Variants in KIAA1328 observed in about 807,000 individuals in gnomAD.
The protein encoded by KIAA1328 is KIAA1328.
A neutral mutation model predicts 68.1 loss-of-function variants in KIAA1328; 52 were observed. The observed-to-expected ratio is 0.76, with a 90% CI of 0.61 to 0.96. The LOEUF (loss-of-function observed/expected upper bound fraction) is 0.96. Ranked by LOEUF, KIAA1328 falls within the 40% of genes least tolerant of loss-of-function variation. The probability of loss-of-function intolerance (pLI) is 0.00; values close to 1 mark genes in which losing one functional copy is unlikely to be tolerated. For synonymous variants in KIAA1328, 232 were observed against 239.4 expected (o/e 0.97, Z 0.28); for missense variants, 641 against 677.6 (o/e 0.95, Z 0.60).
intron 5 of KIAA1328, among the ~76,000 whole-genome samples, chr18:36,958,748 G>C (rs1465105887): frequency 6.6e-6 from 1 of 151,952 alleles, no homozygotes; most frequent in Non-Finnish European, 1.5e-5. Context: ...TCTTTACCAT[G>C]TCATTTCCAA....
At chr18:36,907,329 G>C (rs1409621386) in intron 5 of KIAA1328, among the ~76,000 whole-genome samples, 1 of 151,948 alleles carries the variant, frequency 6.6e-6, no homozygotes, top group African/African-American at 2.4e-5. Flanking sequence ...ACAATGTTGA[G>C]TAAAAGCTGT....
chr18:37,003,918 G>A (rs192611672), intron 6 of KIAA1328, among the ~76,000 whole-genome samples: 6 of 152,092 alleles, frequency 3.9e-5, no homozygotes, highest in Non-Finnish European at 8.8e-5. Flanking sequence ...TTATTTCTGC[G>A]TTCTCCATTC....
intron 8 of KIAA1328, among the ~76,000 whole-genome samples, chr18:37,166,006 A>G (rs73421148): frequency 0.031 from 4,618 of 148,382 alleles, 247 homozygotes; most frequent in African/African-American, 0.11. Context: ...TAGTTTAATG[A>G]TTACACTGAT....
chr18:36,853,937 C>T (rs570028715), intron 4 of KIAA1328, among the ~76,000 whole-genome samples: 5 of 152,106 alleles, frequency 3.3e-5, no homozygotes, highest in African/African-American at 4.8e-5. Context: ...GGATTATAGG[C>T]GTGAGCCACT....
chr18:36,889,228 G>A (rs1189313337), intron 5 of KIAA1328, among the ~76,000 whole-genome samples: 1 of 152,210 alleles, frequency 6.6e-6, no homozygotes, highest in Non-Finnish European at 1.5e-5. Context: ...AAGCCAAGCA[G>A]TCTGATGAAC....
At chr18:37,034,595 C>CT (rs1395380750) in intron 6 of KIAA1328, among the ~76,000 whole-genome samples, 1 of 152,088 alleles carries the variant, frequency 6.6e-6, no homozygotes, top group Non-Finnish European at 1.5e-5. Flanking sequence ...TACAAATAAC[C>CT]TTGAGTTCAC....
chr18:37,147,368 G>A (rs1457107036), intron 7 of KIAA1328, among the ~76,000 whole-genome samples: 1 of 151,972 alleles, frequency 6.6e-6, no homozygotes, highest in Admixed American at 6.6e-5. Flanking sequence ...CTTGACTGTG[G>A]TTAACATTTT....
chr18:37,041,559 G>C (rs1043955931), intron 6 of KIAA1328, among the ~76,000 whole-genome samples: 1 of 151,292 alleles, frequency 6.6e-6, no homozygotes, highest in Admixed American at 6.6e-5. Context: ...TTGGATTTAT[G>C]TCCTCTATTT....
At chr18:36,831,401 T>C (rs2046487817) in intron 1 of KIAA1328, among the ~76,000 whole-genome samples, 1 of 152,194 alleles carries the variant, frequency 6.6e-6, no homozygotes, top group South Asian at 2.1e-4. Flanking sequence ...ACCTCATCTG[T>C]AAACAATGAG....
At chr18:37,122,053 GATGAC>G (rs529620795) in intron 7 of KIAA1328, among the ~76,000 whole-genome samples, 1 of 152,068 alleles carries the variant, frequency 6.6e-6, no homozygotes, top group Non-Finnish European at 1.5e-5. Context: ...AGTGCATTTA[GATGAC>G]ATGACATGAA....
chr18:37,089,823 C>T (rs2057218642), intron 7 of KIAA1328, among the ~76,000 whole-genome samples: 1 of 152,124 alleles, frequency 6.6e-6, no homozygotes, highest in Non-Finnish European at 1.5e-5. Flanking sequence ...CAAAACTGTT[C>T]ATTTTTAAGG....
chr18:37,121,212 G>A (rs323330), intron 7 of KIAA1328, among the ~76,000 whole-genome samples: 61,418 of 151,938 alleles, frequency 0.4, 14,265 homozygotes, highest in African/African-American at 0.64. Flanking sequence ...GAATAAATCT[G>A]GTGAGCATTA....
chr18:37,157,581 G>T (rs902576213), intron 7 of KIAA1328, among the ~76,000 whole-genome samples: 1 of 151,944 alleles, frequency 6.6e-6, no homozygotes, highest in Non-Finnish European at 1.5e-5. Context: ...GGGAGGCCGA[G>T]TGGGCAGATC....
intron 5 of KIAA1328, among the ~76,000 whole-genome samples, chr18:36,945,279 T>A (rs956120995): frequency 5.9e-5 from 9 of 152,212 alleles, no homozygotes; most frequent in African/African-American, 2.4e-5. Context: ...AGAATCATTC[T>A]GCTGAACAGT....
chr18:36,861,913 A>G (rs532705220), intron 4 of KIAA1328, among the ~76,000 whole-genome samples: 84 of 152,106 alleles, frequency 5.5e-4, no homozygotes, highest in African/African-American at 2.0e-3. Flanking sequence ...CACACCATCT[A>G]CCAGCCTTGG....
chr18:36,933,619 G>T (rs988541113), intron 5 of KIAA1328, among the ~76,000 whole-genome samples: 1 of 152,222 alleles, frequency 6.6e-6, no homozygotes, highest in Non-Finnish European at 1.5e-5. Flanking sequence ...GCCCTGGGGT[G>T]CCAGGACCAG....
chr18:37,058,964 T>C (rs984487036), intron 6 of KIAA1328, among the ~76,000 whole-genome samples: 7 of 151,968 alleles, frequency 4.6e-5, no homozygotes, highest in Non-Finnish European at 1.0e-4. Context: ...TACTGAGCTG[T>C]TCATATTTGT....
intron 5 of KIAA1328, among the ~76,000 whole-genome samples, chr18:36,915,327 A>G (rs2049645882): frequency 6.6e-6 from 1 of 152,220 alleles, no homozygotes; most frequent in Admixed American, 6.5e-5. Context: ...CATAAAAGAA[A>G]AAACATGATT....
chr18:37,038,581 CTTA>C (rs1163855068), intron 6 of KIAA1328, among the ~76,000 whole-genome samples: 52 of 152,188 alleles, frequency 3.4e-4, no homozygotes, highest in Non-Finnish European at 1.9e-4. Flanking sequence ...CCTTGCTGAA[CTTA>C]TTATTTCAGT....
Sources: allele counts gnomAD v4.1 joint callset (sites outside exome capture counted in the v4.1 genomes callset), GRCh38; gene constraint gnomAD v4.1.1; transcripts MANE v1.5; gene names NCBI Gene and HGNC (gene_info 2026-07-23, HGNC 2026-07-21).